Variants in SRBD1 observed in about 807,000 individuals in gnomAD.
The protein encoded by SRBD1 is S1 RNA-binding domain-containing protein 1.
A neutral mutation model predicts 115.3 loss-of-function variants in SRBD1; 88 were observed. That is an observed-to-expected ratio of 0.76 (90% CI 0.64 to 0.91). SRBD1 has a LOEUF of 0.91. Among genes scored for constraint, SRBD1 ranks in the 40% least tolerant of loss-of-function variants. The pLI is 0.00. For synonymous variants in SRBD1, 509 were observed against 407.7 expected, an observed-to-expected ratio of 1.25 and a Z score of -2.99; for missense variants, 1,385 against 1,177.4, an observed-to-expected ratio of 1.18 and a Z score of -2.58.
intron 16 of SRBD1, 139 bp from the exon 17 acceptor site, chr2:45,420,033 A>G (rs1282540325): frequency 1.1e-5 from 8 of 727,244 alleles, no homozygotes; most frequent in Non-Finnish European, 1.6e-5. Context: ...CACTGTTAGC[A>G]GAATTAAGCT....
Position 45,547,608 on chromosome 2 carries a change from CT to C in SRBD1, c.1679del (p.Gln560ArgfsTer22). ...AGTAAACCACATCAGTATGAAGTAT[CT>C]GACCTTTAAAAAATGAAAAGAATAA... Reference protein sequence around the residue: ...CKLAIISPTSQILHTDVVYLH... With the variant: ...CKLAIISPTSXILHTDVVYLH... On this transcript the variant is annotated frameshift_variant, in exon 13 of 21. Transcript: ENST00000263736. LOFTEE classifies it high-confidence loss of function. 1 of 1,606,938 alleles carries C rather than the reference CT, an allele frequency of 6.2e-7. No homozygotes were observed. Among genetic ancestry groups the C allele is most frequent in the East Asian group, 2.2e-5 (1 of 44,752 alleles).
chr2:45,456,143 G>C (rs974788977), intron 16 of SRBD1, among the ~76,000 whole-genome samples: 4 of 151,806 alleles, frequency 2.6e-5, no homozygotes, highest in African/African-American at 9.7e-5. Context: ...GGGAAAGCTT[G>C]TTTAACTGAA....
chr2:45,401,927 C>T (rs556801824), intron 19 of SRBD1, among the ~76,000 whole-genome samples: 3 of 152,206 alleles, frequency 2.0e-5, no homozygotes, highest in Admixed American at 6.5e-5. Flanking sequence ...CAGTAAGCTC[C>T]GGTTGGAGGG....
chr2:45,453,677 G>A (rs545966103), intron 16 of SRBD1, among the ~76,000 whole-genome samples: 6 of 151,948 alleles, frequency 3.9e-5, no homozygotes, highest in Admixed American at 3.9e-4. Context: ...CTTAAATGTG[G>A]TAGTGATGTT....
intron 16 of SRBD1, among the ~76,000 whole-genome samples, chr2:45,460,584 T>C (rs186574778): frequency 3.3e-4 from 50 of 152,346 alleles, no homozygotes; most frequent in Non-Finnish European, 5.3e-4. Flanking sequence ...ATGTTCTGCA[T>C]TGGTTTGTGG....
At chr2:45,544,096 G>A (rs1387023050) in intron 14 of SRBD1, among the ~76,000 whole-genome samples, 4 of 152,016 alleles carry the variant, frequency 2.6e-5, no homozygotes, top group African/African-American at 7.2e-5. Context: ...AGCCAGGCAT[G>A]GTGGCGGGCA....
chr2:45,542,395 G>C (rs991445066), intron 14 of SRBD1, among the ~76,000 whole-genome samples: 2 of 152,226 alleles, frequency 1.3e-5, no homozygotes, highest in African/African-American at 2.4e-5. Context: ...CCCAGGTCCA[G>C]AGCTGTAGCT....
chr2:45,553,070 A>C (rs187661160), intron 11 of SRBD1, among the ~76,000 whole-genome samples: 2 of 152,316 alleles, frequency 1.3e-5, no homozygotes, highest in Admixed American at 1.3e-4. Context: ...ACAGAGAAGC[A>C]AGAGAGAGGA....
chr2:45,525,000 A>G (rs1291782406), intron 14 of SRBD1, among the ~76,000 whole-genome samples: 1 of 152,038 alleles, frequency 6.6e-6, no homozygotes, highest in Admixed American at 6.6e-5. Context: ...TCTACGGTCA[A>G]CTGATTAGGA....
intron 3 of SRBD1, 21 bp from the exon 4 acceptor site, chr2:45,599,856 C>A (rs1412236250): frequency 6.3e-7 from 1 of 1,581,646 alleles, no homozygotes; most frequent in Admixed American, 1.9e-5. Flanking sequence ...ACAAAGAGAA[C>A]ATATGAGAAT....
intron 9 of SRBD1, among the ~76,000 whole-genome samples, chr2:45,568,438 G>A (rs955456313): frequency 1.3e-5 from 2 of 152,182 alleles, no homozygotes; most frequent in Non-Finnish European, 2.9e-5. Flanking sequence ...CAGCACTATA[G>A]GAATTGGGAA....
Position 45,556,769 on chromosome 2 carries a change from T to C in SRBD1, c.1410-3039A>G, listed in dbSNP as rs1192992744. Among the ~76,000 whole-genome samples, 3 of 152,180 alleles carry C rather than the reference T, an allele frequency of 2.0e-5. 1 individual carries two copies. The highest frequency in any genetic ancestry group is 1.3e-4 in the Admixed American group (2 of 15,274). On this transcript the variant is annotated intron_variant, in intron 10 of 20. Coordinates refer to ENST00000263736, the MANE Select transcript of SRBD1 (RefSeq NM_018079.5). ...TGACCCACCATGTCTGGCCTTGCTC[T>C]ATGTTCATGGTGGATTTACTTAAGT...
At chr2:45,398,544 C>T (rs1320206808) in intron 19 of SRBD1, among the ~76,000 whole-genome samples, 1 of 152,164 alleles carries the variant, frequency 6.6e-6, no homozygotes, top group African/African-American at 2.4e-5. Context: ...AAACTGGATA[C>T]TCATTGCATG....
chr2:45,534,822 T>A (rs1377153443), intron 14 of SRBD1, among the ~76,000 whole-genome samples: 1 of 151,944 alleles, frequency 6.6e-6, no homozygotes, highest in East Asian at 1.9e-4. Context: ...GTCTACTGAT[T>A]TTTTGGAAAG....
intron 4 of SRBD1, among the ~76,000 whole-genome samples, chr2:45,587,343 T>C (rs1673580760): frequency 6.6e-6 from 1 of 150,544 alleles, no homozygotes; most frequent in Non-Finnish European, 1.5e-5. Flanking sequence ...TTAATTATTT[T>C]TAAGTCTACA....
intron 19 of SRBD1, among the ~76,000 whole-genome samples, chr2:45,407,729 T>C (rs1024981285): frequency 3.3e-5 from 5 of 152,082 alleles, no homozygotes; most frequent in African/African-American, 9.7e-5. Flanking sequence ...CCAGAAAAAG[T>C]TTTAGTTCAT....
At chr2:45,591,546 G>A (rs1018416433) in intron 4 of SRBD1, among the ~76,000 whole-genome samples, 1 of 152,168 alleles carries the variant, frequency 6.6e-6, no homozygotes, top group African/African-American at 2.4e-5. Flanking sequence ...GAACCCATTG[G>A]ACAGTTACAT....
intron 15 of SRBD1, among the ~76,000 whole-genome samples, chr2:45,487,511 C>A (rs565569329): frequency 6.6e-6 from 1 of 152,096 alleles, no homozygotes; most frequent in East Asian, 1.9e-4. Flanking sequence ...AAATATTTGG[C>A]AATAAACTGA....
At chr2:45,401,418 G>A (rs1042832918) in intron 19 of SRBD1, among the ~76,000 whole-genome samples, 1 of 152,148 alleles carries the variant, frequency 6.6e-6, no homozygotes, top group African/African-American at 2.4e-5. Flanking sequence ...AGAAATTAAT[G>A]TAGGATAACT....
Sources: allele counts gnomAD v4.1 joint callset (sites outside exome capture counted in the v4.1 genomes callset), GRCh38; gene constraint gnomAD v4.1.1; transcripts MANE v1.5; gene names NCBI Gene and HGNC (gene_info 2026-07-23, HGNC 2026-07-21).